Variants in PLCB1 observed in about 807,000 individuals in gnomAD.
PLCB1 encodes 1-phosphatidylinositol 4,5-bisphosphate phosphodiesterase beta-1.
A neutral mutation model predicts 161.8 loss-of-function variants in PLCB1; 46 were observed. The ratio of observed to expected loss-of-function variants is 0.28; its 90% confidence interval spans 0.22 to 0.36. The LOEUF is 0.36. Ranked by LOEUF, PLCB1 falls within the 10% of genes least tolerant of loss-of-function variation. The pLI is 1.00. For missense variants in PLCB1, 1,016 were observed against 1,472.5 expected, an observed-to-expected ratio of 0.69 and a Z score of 5.07; for synonymous variants, 517 against 503.7, an observed-to-expected ratio of 1.03 and a Z score of -0.35.
At chr20:8,457,753 C>T (rs1301697901) in intron 3 of PLCB1, among the ~76,000 whole-genome samples, 1 of 151,734 alleles carries the variant, frequency 6.6e-6, no homozygotes. Context: ...CACACGTACA[C>T]ACCATCTTGC....
intron 9 of PLCB1, among the ~76,000 whole-genome samples, chr20:8,668,048 CA>C (rs1443832879): frequency 6.6e-6 from 1 of 151,976 alleles, no homozygotes; most frequent in Non-Finnish European, 1.5e-5. Flanking sequence ...AGAGAGGCCA[CA>C]GGCGTTTGGC....
intron 2 of PLCB1, 147 bp downstream of exon 2, chr20:8,150,518 AT>A: frequency 2.1e-6 from 1 of 470,380 alleles, no homozygotes; most frequent in South Asian, 4.1e-5. Flanking sequence ...TATCTAAGGT[AT>A]TCTTAGGACT....
chr20:8,173,119 A>C (rs576937031), intron 2 of PLCB1, among the ~76,000 whole-genome samples: 1 of 152,318 alleles, frequency 6.6e-6, no homozygotes, highest in Non-Finnish European at 1.5e-5. Flanking sequence ...CAGGGTCACC[A>C]GGTTGTACCA....
At chr20:8,622,032 C>T (rs1187525920) in intron 3 of PLCB1, among the ~76,000 whole-genome samples, 2 of 151,958 alleles carry the variant, frequency 1.3e-5, no homozygotes, top group East Asian at 1.9e-4. Flanking sequence ...CCGAGGCAGG[C>T]GGATCACGAG....
intron 3 of PLCB1, among the ~76,000 whole-genome samples, chr20:8,550,241 A>G (rs1281381001): frequency 6.6e-6 from 1 of 152,146 alleles, no homozygotes; most frequent in African/African-American, 2.4e-5. Flanking sequence ...GTGTTTTGAA[A>G]TGTGAGGACA....
intron 31 of PLCB1, among the ~76,000 whole-genome samples, chr20:8,860,373 A>G (rs180829796): frequency 6.6e-6 from 1 of 152,324 alleles, no homozygotes; most frequent in East Asian, 1.9e-4. Flanking sequence ...CTCAGAGACA[A>G]GTCCTACCAC....
intron 31 of PLCB1, among the ~76,000 whole-genome samples, chr20:8,817,558 C>G (rs1010406776): frequency 6.6e-6 from 1 of 151,980 alleles, no homozygotes; most frequent in South Asian, 2.1e-4. Context: ...TTCAGAATAC[C>G]AAAAAACAAA....
rs1198987495 is a variant in PLCB1, at chr20:8,267,980, A to ATTATTT, written c.178-103398_178-103397insTTTTAT. ...TGTCTTTATTATTATTATTATTATTATTATACTTTAAGTTCTAGGGTACAT... is the reference window on the plus strand; with the variant it reads ...TGTCTTTATTATTATTATTATTATTATTATTTTTATACTTTAAGTTCTAGGGTACAT... On this transcript the variant is annotated intron_variant, in intron 2 of 31. Coordinates refer to ENST00000338037, the MANE Select transcript of PLCB1 (RefSeq NM_015192.4). Among the ~76,000 whole-genome samples, 15 of 151,436 alleles carry ATTATTT rather than the reference A, an allele frequency of 9.9e-5. No individual in the cohort carries two copies. The South Asian group carries it at 3.1e-3, about 32-fold the overall frequency.
Position 8,204,841 on chromosome 20 carries a change from A to G in PLCB1, c.177+54470A>G, listed in dbSNP as rs1189665959. On this transcript the variant is annotated intron_variant, in intron 2 of 31. Transcript: ENST00000338037. Reference sequence around the variant, plus strand: ...GTTATTCAACAAATATTTATAAATCATATCCTATGTGTCACACCTATGATT... The same window carrying G: ...GTTATTCAACAAATATTTATAAATCGTATCCTATGTGTCACACCTATGATT... Among the ~76,000 whole-genome samples the G allele has an allele frequency of 2.0e-5, 3 of 152,162 alleles. No homozygotes were observed. In the East Asian group the frequency reaches 5.8e-4, roughly 29 times the overall value.
At chr20:8,525,533 C>A (rs552705916) in intron 3 of PLCB1, among the ~76,000 whole-genome samples, 2 of 152,248 alleles carry the variant, frequency 1.3e-5, no homozygotes, top group Non-Finnish European at 2.9e-5. Flanking sequence ...TTTACTTAAA[C>A]CCTAATTGAC....
At chr20:8,398,608 C>G (rs1172226222) in intron 3 of PLCB1, among the ~76,000 whole-genome samples, 2 of 152,166 alleles carry the variant, frequency 1.3e-5, no homozygotes. Flanking sequence ...TCCAAAGACA[C>G]TAATCCCATT....
At chr20:8,429,591 C>T (rs1979945780) in intron 3 of PLCB1, among the ~76,000 whole-genome samples, 1 of 151,944 alleles carries the variant, frequency 6.6e-6, no homozygotes, top group Non-Finnish European at 1.5e-5. Flanking sequence ...ACTTCAGTTA[C>T]GTATGTATAC....
At chr20:8,872,683 T>C (rs1320400677) in intron 31 of PLCB1, among the ~76,000 whole-genome samples, 2 of 152,204 alleles carry the variant, frequency 1.3e-5, no homozygotes, top group African/African-American at 4.8e-5. Flanking sequence ...GAAACTGCAC[T>C]CATTCATGGG....
chr20:8,628,265 A>G, intron 3 of PLCB1, 29 bp from the exon 4 acceptor site: 1 of 1,566,042 alleles, frequency 6.4e-7, no homozygotes, highest in Non-Finnish European at 8.8e-7. Flanking sequence ...CTAGTTATAG[A>G]CTAATTATTT....
At chr20:8,798,051 G>A (rs1353564580) in intron 31 of PLCB1, among the ~76,000 whole-genome samples, 1 of 152,074 alleles carries the variant, frequency 6.6e-6, no homozygotes, top group African/African-American at 2.4e-5. Context: ...ACAAACATTA[G>A]TCAGGCATGC....
At chr20:8,186,093 A>AT (rs920407745) in intron 2 of PLCB1, among the ~76,000 whole-genome samples, 5 of 151,968 alleles carry the variant, frequency 3.3e-5, no homozygotes, top group East Asian at 1.9e-4. Context: ...GTTTCAGTGA[A>AT]TTTTTTTTGA....
intron 3 of PLCB1, among the ~76,000 whole-genome samples, chr20:8,571,230 C>T (rs1284402532): frequency 6.6e-6 from 1 of 152,122 alleles, no homozygotes; most frequent in African/African-American, 2.4e-5. Context: ...AATCCCTATC[C>T]CAGCACTTTG....
At chr20:8,166,998 A>G (rs2051682454) in intron 2 of PLCB1, among the ~76,000 whole-genome samples, 1 of 152,180 alleles carries the variant, frequency 6.6e-6, no homozygotes, top group Non-Finnish European at 1.5e-5. Flanking sequence ...CAGAGTCCAG[A>G]GGTGTCCTTG....
chr20:8,647,140 C>T (rs1288698539), intron 5 of PLCB1, among the ~76,000 whole-genome samples: 1 of 152,156 alleles, frequency 6.6e-6, no homozygotes, highest in Non-Finnish European at 1.5e-5. Context: ...ATGCCTCCAC[C>T]TCTTCCCTTC....
Sources: allele counts gnomAD v4.1 joint callset (sites outside exome capture counted in the v4.1 genomes callset), GRCh38; gene constraint gnomAD v4.1.1; transcripts MANE v1.5; gene names NCBI Gene and HGNC (gene_info 2026-07-23, HGNC 2026-07-21).